Variants in DCAF7 observed in about 807,000 individuals in gnomAD.
DCAF7 encodes DDB1 and CUL4 associated factor 7.
DCAF7 carries 4 observed loss-of-function variants against 41.2 expected under a neutral mutation model. That is an observed-to-expected ratio of 0.10 (90% CI 0.05 to 0.22). The LOEUF is 0.22. DCAF7 is among the 10% of genes least tolerant of loss of function. The pLI, the probability that DCAF7 is intolerant of heterozygous loss-of-function variation, is 1.00. For missense variants in DCAF7, 131 were observed against 443.2 expected (o/e 0.30, Z 6.32); for synonymous variants, 143 against 164.2 (o/e 0.87, Z 0.99).
At position 63,550,648 on chromosome 17, in the gene DCAF7, C is replaced by A. The variant is rs1389500875; in HGVS notation, c.-30C>A. The stretch of plus-strand genomic sequence containing the variant: ...CCCGCCCGCCGCAGCCCACTGTTGA[C>A]CCGGCCCGTACTGCGGCCCCGTGGC... On this transcript the variant is annotated 5_prime_UTR_variant, in exon 1 of 7. Coordinates refer to ENST00000614556, the MANE Select transcript of DCAF7 (RefSeq NM_005828.5). This position sits in a 1 kb window ranked among gnomAD's most constrained non-coding sequence, Gnocchi z 4.8. 11 of 1,609,928 alleles carry A rather than the reference C, an allele frequency of 6.8e-6. No individual in the cohort carries two copies. Among genetic ancestry groups the A allele is most frequent in the Non-Finnish European group, 9.3e-6 (11 of 1,177,898 alleles).
intron 6 of DCAF7, among the ~76,000 whole-genome samples, chr17:63,588,360 AT>A (rs766903512): frequency 0.021 from 2,513 of 120,014 alleles, 44 homozygotes; most frequent in African/African-American, 0.057. Flanking sequence ...GCTAATTTGT[AT>A]TTTTTTTTTT....
In DCAF7 at chr17:63,591,078, G is replaced by A. The variant is rs1314597680; in HGVS notation, c.*1906G>A. 1 of 152,238 alleles carries A rather than the reference G, an allele frequency of 6.6e-6. No homozygotes were observed. Among genetic ancestry groups the A allele is most frequent in the East Asian group, 1.9e-4 (1 of 5,198 alleles). The allele number at this position is 152,238 out of a possible 1,614,324, so 9.4% of individuals were successfully genotyped here. On this transcript the variant is annotated 3_prime_UTR_variant, in exon 7 of 7. Coordinates refer to ENST00000614556, the MANE Select transcript of DCAF7 (RefSeq NM_005828.5). Reference sequence around the variant, plus strand: ...ATCGTTTGGAGATACAAAGCGAGCAGTTCTTGGTCAGAACCCTCCTCTGCT... The same window carrying A: ...ATCGTTTGGAGATACAAAGCGAGCAATTCTTGGTCAGAACCCTCCTCTGCT...
At chr17:63,561,269 A>G (rs528603428) in intron 1 of DCAF7, among the ~76,000 whole-genome samples, 85 of 152,328 alleles carry the variant, frequency 5.6e-4, no homozygotes, top group Non-Finnish European at 8.7e-4. Context: ...TATCTCAAAA[A>G]ATAAAAAAGA....
chr17:63,587,261 C>T (rs916157883), intron 6 of DCAF7, among the ~76,000 whole-genome samples: 4 of 151,900 alleles, frequency 2.6e-5, no homozygotes. Flanking sequence ...CCTTGAAGAG[C>T]AGCTGGGGGC....
intron 1 of DCAF7, among the ~76,000 whole-genome samples, chr17:63,559,397 A>G (rs200735527): frequency 0.081 from 6,150 of 76,012 alleles, 508 homozygotes; most frequent in African/African-American, 0.27. Context: ...GTATATATAT[A>G]TGTATATATA....
At chr17:63,557,738 G>C (rs771595753) in intron 1 of DCAF7, among the ~76,000 whole-genome samples, 2 of 152,164 alleles carry the variant, frequency 1.3e-5, no homozygotes, top group Non-Finnish European at 2.9e-5. Flanking sequence ...GTAAAGATTT[G>C]AAGTGATAAG....
At chr17:63,553,535 G>A (rs1402002393) in intron 1 of DCAF7, among the ~76,000 whole-genome samples, 2 of 152,268 alleles carry the variant, frequency 1.3e-5, no homozygotes, top group African/African-American at 2.4e-5. Context: ...AGAGGTGGTC[G>A]ACTTCATAAT....
At position 63,583,487 on chromosome 17, in the gene DCAF7, C is replaced by T; in HGVS notation, c.529-15C>T. 6.2e-7 allele frequency: 1 copy of T among 1,611,554 alleles called. No homozygotes were observed. The highest frequency in any genetic ancestry group is 1.1e-5 in the South Asian group (1 of 90,762). Reference sequence around the variant, plus strand: ...ATGGATCTGAATCTGACTGGAGCTTCTTGTTCACCAACAGGTCTATGATAT... The same window carrying T: ...ATGGATCTGAATCTGACTGGAGCTTTTTGTTCACCAACAGGTCTATGATAT... On this transcript the variant is annotated splice_polypyrimidine_tract_variant and intron_variant, in intron 4 of 6. Transcript: ENST00000614556.
intron 4 of DCAF7, among the ~76,000 whole-genome samples, chr17:63,582,667 CA>C (rs1357781880): frequency 1.3e-5 from 2 of 152,104 alleles, no homozygotes; most frequent in Non-Finnish European, 2.9e-5. Context: ...GATGGGGTTT[CA>C]CTGGGTTGGC....
At chr17:63,579,607 C>T (rs954987480) in intron 3 of DCAF7, among the ~76,000 whole-genome samples, 159 bp downstream of exon 3, 1 of 152,008 alleles carries the variant, frequency 6.6e-6, no homozygotes, top group Non-Finnish European at 1.5e-5. Flanking sequence ...GTGAGCTTTC[C>T]GTGTGTATAG....
chr17:63,553,367 G>A (rs1039202458), intron 1 of DCAF7, among the ~76,000 whole-genome samples: 8 of 152,204 alleles, frequency 5.3e-5, no homozygotes, highest in Admixed American at 3.9e-4. Flanking sequence ...AAAAAATTTA[G>A]CTAGAGGTTA....
chr17:63,583,461 A>G (rs1479601215), intron 4 of DCAF7, 41 bp from the exon 5 acceptor site: 8 of 1,557,994 alleles, frequency 5.1e-6, no homozygotes, highest in Non-Finnish European at 7.1e-6. Flanking sequence ...AAGAAGAGGT[A>G]ATGGATCTGA....
Position 63,550,525 on chromosome 17 carries a change from C to T in DCAF7, c.-153C>T. On this transcript the variant is annotated 5_prime_UTR_variant, in exon 1 of 7. Coordinates refer to ENST00000614556, the MANE Select transcript of DCAF7 (RefSeq NM_005828.5). This position sits in a 1 kb window ranked among gnomAD's most constrained non-coding sequence, Gnocchi z 4.8. ...GAAACTAGGGGTCGGGCTCGGCCGT[C>T]GTCGTTGTTTGTCGCCGCATCCCCG... 4 of 1,252,434 alleles carry T rather than the reference C, an allele frequency of 3.2e-6. No homozygotes were observed. Among genetic ancestry groups the T allele is most frequent in the Middle Eastern group, 2.5e-4 (1 of 3,976 alleles). 77.6% of individuals were successfully genotyped at this position (1,252,434 alleles called of 1,614,324 possible). A position where few individuals can be genotyped will look rare whatever the true frequency, so the allele number is the denominator to read the frequency against.
intron 1 of DCAF7, among the ~76,000 whole-genome samples, chr17:63,553,380 G>A (rs1379295803): frequency 4.6e-5 from 7 of 152,176 alleles, no homozygotes; most frequent in African/African-American, 1.7e-4. Flanking sequence ...AGAGGTTAAT[G>A]GAAATATGGG....
chr17:63,571,666 A>G (rs937906429), intron 1 of DCAF7, among the ~76,000 whole-genome samples: 10 of 152,102 alleles, frequency 6.6e-5, no homozygotes, highest in African/African-American at 2.4e-4. Flanking sequence ...CTTGAATTCA[A>G]ATTAAAAATT....
chr17:63,576,445 C>T (rs1324090025), intron 1 of DCAF7, among the ~76,000 whole-genome samples: 1 of 151,912 alleles, frequency 6.6e-6, no homozygotes, highest in Non-Finnish European at 1.5e-5. Flanking sequence ...AAAACTCCGT[C>T]TCAAAAGGAA....
At chr17:63,566,610 A>G (rs1315711669) in intron 1 of DCAF7, among the ~76,000 whole-genome samples, 1 of 152,172 alleles carries the variant, frequency 6.6e-6, no homozygotes, top group Non-Finnish European at 1.5e-5. Flanking sequence ...ATCTTCTAAG[A>G]TTATTGTTAA....
chr17:63,579,341 G>A lies in DCAF7; in HGVS notation c.302G>A (p.Gly101Asp). ...TTAAAATTCTTGTTCCTTCAGGTTG[G>A]TGAAACAGAGACCAGGCTGGAGTGT... is the stretch of plus-strand genomic sequence containing the variant. Reference protein sequence around the residue: ...SGDYLRVWRVGETETRLECLL... With the variant: ...SGDYLRVWRVDETETRLECLL... Residue 101 changes from glycine to aspartate, a missense_variant, in exon 3 of 7, where the codon GGT (glycine) becomes GAT (aspartate). By Grantham distance (94) the Gly-to-Asp change is moderately conservative. Coordinates refer to ENST00000614556, the MANE Select transcript of DCAF7 (RefSeq NM_005828.5). 1 of 1,597,604 alleles carries A rather than the reference G, an allele frequency of 6.3e-7. No homozygotes were observed. Among genetic ancestry groups the A allele is most frequent in the Non-Finnish European group, 8.5e-7 (1 of 1,171,190 alleles).
intron 1 of DCAF7, chr17:63,552,668 G>C (rs2033269830): frequency 6.6e-6 from 1 of 152,186 alleles, no homozygotes; most frequent in Non-Finnish European, 1.5e-5. Context: ...GTTTTTTCTT[G>C]TAAGTTTTTC....
Sources: allele counts gnomAD v4.1 joint callset (sites outside exome capture counted in the v4.1 genomes callset), GRCh38; gene constraint gnomAD v4.1.1; non-coding constraint Gnocchi (gnomAD v3.1); transcripts MANE v1.5; gene names NCBI Gene and HGNC (gene_info 2026-07-23, HGNC 2026-07-21).